The following DOCK3 variants were observed in gnomAD, a reference collection of about 807,000 sequenced individuals.
The protein encoded by DOCK3 is dedicator of cytokinesis protein 3.
Under a neutral mutation model 265.6 loss-of-function variants are expected in DOCK3, and 60 were observed. That is an observed-to-expected ratio of 0.23 (90% CI 0.18 to 0.28). DOCK3 has a LOEUF of 0.28. Ranked by LOEUF, DOCK3 falls within the 10% of genes least tolerant of loss-of-function variation. DOCK3 has a pLI of 1.00. For synonymous variants in DOCK3, 881 were observed against 938.0 expected (o/e 0.94, Z 1.11); for missense variants, 1,981 against 2,594.3 (o/e 0.76, Z 5.14).
At chr3:51,288,903 G>GGGT (rs2081571610) in intron 27 of DOCK3, among the ~76,000 whole-genome samples, 14 of 144,176 alleles carry the variant, frequency 9.7e-5, no homozygotes, top group South Asian at 4.4e-4. Context: ...TGTGTGTGTG[G>GGGT]GTGTGTGTGT....
chr3:51,306,091 C>G (rs1196232386), intron 27 of DOCK3, among the ~76,000 whole-genome samples: 1 of 149,716 alleles, frequency 6.7e-6, no homozygotes, highest in Non-Finnish European at 1.5e-5. Context: ...GTATCAAGTT[C>G]CTGGGCTCAA....
intron 14 of DOCK3, among the ~76,000 whole-genome samples, chr3:51,221,788 G>A (rs970728709): frequency 6.6e-6 from 1 of 152,136 alleles, no homozygotes; most frequent in Non-Finnish European, 1.5e-5. Context: ...AAGGGAGTCA[G>A]GGCTGCCCAA....
chr3:51,270,925 T>G lies in DOCK3; in HGVS notation c.2466T>G (p.Thr822=), dbSNP rs1365883683. ...VRGTLGSMPS[T]VHIGQSMDVV... is the part of the protein sequence containing the mutation. ...GGACACTGGGGAGCATGCCCAGCAC[T>G]GTGCACATTGGGCAGTCAATGGACG... Residue 822 remains threonine (T), a synonymous_variant, in exon 24 of 53, where the codon ACT becomes ACG. Coordinates refer to ENST00000266037, the MANE Select transcript of DOCK3 (RefSeq NM_004947.5). The G allele has an allele frequency of 6.2e-7, 1 of 1,613,916 alleles. No homozygotes were observed. The highest frequency in any genetic ancestry group is 1.3e-5 in the African/African-American group (1 of 74,932).
chr3:51,011,580 T>C (rs1280723919), intron 5 of DOCK3, among the ~76,000 whole-genome samples: 2 of 152,244 alleles, frequency 1.3e-5, no homozygotes, highest in Admixed American at 1.3e-4. Flanking sequence ...CTTCCTCCTT[T>C]AGCTCAGAGA....
intron 1 of DOCK3, among the ~76,000 whole-genome samples, chr3:50,724,715 T>G (rs2037704164): frequency 6.6e-6 from 1 of 152,022 alleles, no homozygotes; most frequent in African/African-American, 2.4e-5. Flanking sequence ...AGGGATAGCA[T>G]TAGGAGAAAT....
intron 27 of DOCK3, among the ~76,000 whole-genome samples, chr3:51,295,904 G>A (rs1056012813): frequency 1.4e-4 from 22 of 152,100 alleles, no homozygotes; most frequent in Admixed American, 9.2e-4. Context: ...ACACTGGCAC[G>A]ATCATAGCTC....
chr3:50,964,479 T>TA (rs1233225263), intron 5 of DOCK3, among the ~76,000 whole-genome samples: 4 of 152,060 alleles, frequency 2.6e-5, no homozygotes, highest in African/African-American at 9.7e-5. Flanking sequence ...ACGTCTGGGA[T>TA]AAAATATACA....
rs1553619913 is a variant in DOCK3, at chr3:51,383,773, A to T, written c.*2214A>T. On this transcript the variant is annotated 3_prime_UTR_variant, in exon 53 of 53. Coordinates refer to ENST00000266037, the MANE Select transcript of DOCK3 (RefSeq NM_004947.5). ...AAAAGATTGTAAAATACTGATTTTC[A>T]TTCTTTCAAGCTTATTTGTAAATAC... 6.6e-6 allele frequency: 1 copy of T among 152,636 alleles called. No individual in the cohort carries two copies. The highest frequency in any genetic ancestry group is 1.5e-5 in the Non-Finnish European group (1 of 68,038). The allele number at this position is 152,636 out of a possible 1,614,324, so 9.5% of individuals were successfully genotyped here. A position where few individuals can be genotyped will look rare whatever the true frequency, so the allele number is the denominator to read the frequency against.
At chr3:50,854,438 T>A (rs2046484328) in intron 3 of DOCK3, among the ~76,000 whole-genome samples, 1 of 150,802 alleles carries the variant, frequency 6.6e-6, no homozygotes, top group Non-Finnish European at 1.5e-5. Flanking sequence ...CTTTTTTTTT[T>A]TTTATTTTGG....
chr3:51,058,954 G>T (rs1442682534), intron 5 of DOCK3, among the ~76,000 whole-genome samples: 1 of 151,788 alleles, frequency 6.6e-6, no homozygotes, highest in Non-Finnish European at 1.5e-5. Context: ...TTAGATCTGG[G>T]GGTACATGTG....
At chr3:50,693,893 A>G (rs751667891) in intron 1 of DOCK3, among the ~76,000 whole-genome samples, 61 of 151,916 alleles carry the variant, frequency 4.0e-4, no homozygotes, top group Non-Finnish European at 3.7e-4. Flanking sequence ...TGGTTTTTGC[A>G]TGTTGATTTT....
intron 4 of DOCK3, among the ~76,000 whole-genome samples, chr3:50,910,968 G>A (rs189814035): frequency 6.6e-6 from 1 of 151,646 alleles, no homozygotes; most frequent in Non-Finnish European, 1.5e-5. Context: ...GTTCTATTTG[G>A]CCATCTTGCT....
At chr3:50,900,584 A>G (rs1575481882) in intron 4 of DOCK3, 1 of 359,430 alleles carries the variant, frequency 2.8e-6, no homozygotes, top group East Asian at 1.0e-4. Context: ...CAGCCTTTTT[A>G]TGCTGGTTTT....
Position 50,786,918 on chromosome 3 carries a change from A to G in DOCK3, c.121+8160A>G, listed in dbSNP as rs918277767. On this transcript the variant is annotated intron_variant, in intron 2 of 52. Transcript: ENST00000266037. ...GAGTGCCCCATGAGTGACATACTGCATTTGAATGATTTTCCACAGGTTTCA... is the reference window on the plus strand; with the variant it reads ...GAGTGCCCCATGAGTGACATACTGCGTTTGAATGATTTTCCACAGGTTTCA... The G allele has an allele frequency of 3.0e-5, 22 of 737,538 alleles. 1 individual carries two copies. Among genetic ancestry groups the G allele is most frequent in the Non-Finnish European group, 5.4e-5 (21 of 390,192 alleles). The allele number at this position is 737,538 out of a possible 1,614,324, so 45.7% of individuals were successfully genotyped here.
intron 5 of DOCK3, among the ~76,000 whole-genome samples, chr3:50,948,857 G>A (rs948570970): frequency 6.6e-6 from 1 of 152,130 alleles, no homozygotes; most frequent in East Asian, 1.9e-4. Context: ...GGAGGTATTT[G>A]TGTATGTGAT....
chr3:50,745,204 C>T (rs998150099), intron 1 of DOCK3, among the ~76,000 whole-genome samples: 3 of 152,068 alleles, frequency 2.0e-5, no homozygotes, highest in African/African-American at 4.8e-5. Context: ...TGCCACTGCA[C>T]CTGGCTAATT....
chr3:51,235,520 G>A (rs1260670169), intron 19 of DOCK3, among the ~76,000 whole-genome samples: 8 of 152,170 alleles, frequency 5.3e-5, no homozygotes, highest in African/African-American at 1.9e-4. Flanking sequence ...ATACAGAATA[G>A]TATAAAGAAC....
chr3:50,983,180 G>A (rs1464267059), intron 5 of DOCK3, among the ~76,000 whole-genome samples: 1 of 152,136 alleles, frequency 6.6e-6, no homozygotes, highest in African/African-American at 2.4e-5. Flanking sequence ...TACACAGGGG[G>A]TAGGGATGAG....
chr3:50,921,368 G>A (rs1318489123), intron 4 of DOCK3, among the ~76,000 whole-genome samples: 3 of 152,120 alleles, frequency 2.0e-5, no homozygotes, highest in Non-Finnish European at 2.9e-5. Context: ...CATGTGTCAC[G>A]TAGTTCTTGT....
Sources: gnomAD v4.1 joint callset for allele counts (sites outside exome capture counted in the v4.1 genomes callset) on GRCh38, gnomAD v4.1.1 for gene constraint, MANE v1.5 for transcripts, NCBI Gene and HGNC (gene_info 2026-07-23, HGNC 2026-07-21) for gene names.